Variants in MCF2L observed in about 807,000 individuals in gnomAD.
MCF2L encodes guanine nucleotide exchange factor DBS.
In MCF2L, 97 loss-of-function variants were observed where a neutral mutation model predicts 153.4. The ratio of observed to expected loss-of-function variants is 0.63; its 90% CI spans 0.54 to 0.75. The LOEUF (loss-of-function observed/expected upper bound fraction) is 0.75. Ranked by LOEUF, MCF2L falls within the 30% of genes least tolerant of loss-of-function variation. The probability of loss-of-function intolerance (pLI) is 0.00; values close to 1 mark genes in which losing one functional copy is unlikely to be tolerated. For missense variants in MCF2L, 1,347 were observed against 1,495.2 expected, an observed-to-expected ratio of 0.90 and a Z score of 1.64; for synonymous variants, 659 against 632.2, an observed-to-expected ratio of 1.04 and a Z score of -0.64.
intron 1 of MCF2L, among the ~76,000 whole-genome samples, chr13:112,984,941 A>C (rs1450938009): frequency 6.6e-6 from 1 of 152,094 alleles, no homozygotes; most frequent in Non-Finnish European, 1.5e-5. Context: ...ACTGGCAAGC[A>C]GTCACCCCCG....
In MCF2L at chr13:113,078,402, G is replaced by C. The variant is rs1320436525; in HGVS notation, c.1700G>C (p.Gly567Ala). 1.2e-6 allele frequency: 2 copies of C among 1,612,934 alleles called. No homozygotes were observed. The highest frequency in any genetic ancestry group is 1.7e-6 in the Non-Finnish European group (2 of 1,179,906). The stretch of plus-strand genomic sequence containing the variant: ...TCTGAGAACTCCAGCTCCGAGGGCG[G>C]TGCGCTCCGGAGAGGGCCCTACCGG... ...RGSENSSSEG[G>A]ALRRGPYRRA... is the part of the protein sequence containing the mutation. Residue 567 changes from glycine to alanine, a missense_variant, in exon 14 of 30, where the codon GGT (glycine) becomes GCT (alanine). By Grantham distance (60) the Gly-to-Ala change is moderately conservative. This residue lies in a region of MCF2L where 820 missense variants were observed against 921.2 expected (regional missense o/e 0.89). Transcript: ENST00000535094.
In MCF2L at chr13:113,078,737, C is replaced by T. The variant is rs889943343; in HGVS notation, c.1806C>T (p.Arg602=). ...GEEEESLAIL[R]RHVMSELLDT... Reference sequence around the variant, plus strand: ...AGGAGGAAAGCCTGGCCATCCTGCGCAGGTGGGTGCGCTGCCCTTCTGTCC... The same window carrying T: ...AGGAGGAAAGCCTGGCCATCCTGCGTAGGTGGGTGCGCTGCCCTTCTGTCC... The change falls in exon 15 of 30, where the codon CGC becomes CGT. Residue 602 remains arginine (R), a splice_region_variant and synonymous_variant. Coordinates refer to ENST00000535094, the MANE Select transcript of MCF2L (RefSeq NM_001112732.3). 1 of 1,597,876 alleles carries T rather than the reference C, an allele frequency of 6.3e-7. No individual in the cohort carries two copies. The highest frequency in any genetic ancestry group is 8.5e-7 in the Non-Finnish European group (1 of 1,176,460).
At chr13:113,000,528 T>G (rs2083320410) in intron 1 of MCF2L, among the ~76,000 whole-genome samples, 1 of 152,152 alleles carries the variant, frequency 6.6e-6, no homozygotes, top group Non-Finnish European at 1.5e-5. Flanking sequence ...CAGACTTAGC[T>G]TTGGTGCTTG....
intron 2 of MCF2L, among the ~76,000 whole-genome samples, chr13:112,923,576 T>C (rs1452597814): frequency 6.6e-6 from 1 of 152,200 alleles, no homozygotes; most frequent in African/African-American, 2.4e-5. Flanking sequence ...TGTTTACTTC[T>C]TAACAAATAT....
intron 3 of MCF2L, chr13:113,040,915 T>C (rs1888227): frequency 0.12 from 17,865 of 152,140 alleles, 1,404 homozygotes; most frequent in African/African-American, 0.22. Flanking sequence ...GAGCCCTGAG[T>C]GGTTTGGGTC....
At position 113,045,111 on chromosome 13, in the gene MCF2L, G is replaced by A. The variant is rs559851646; in HGVS notation, c.279-160G>A. 1.8e-5 allele frequency: 16 copies of A among 903,792 alleles called. No homozygotes were observed. In the East Asian group the frequency reaches 3.9e-4, roughly 22 times the overall value. 56.0% of individuals were successfully genotyped at this position (903,792 alleles called of 1,614,324 possible). A position where few individuals can be genotyped will look rare whatever the true frequency, so the allele number is the denominator to read the frequency against. ...GCAGGTTCTGGGACTGCGGGGATGG[G>A]GCTGCCGGGGCCCCCGTGTGCCATG... On this transcript the variant is annotated intron_variant, in intron 3 of 29. Coordinates refer to ENST00000535094, the MANE Select transcript of MCF2L (RefSeq NM_001112732.3). This position sits in a 1 kb window ranked among gnomAD's most constrained non-coding sequence, Gnocchi z 4.2.
intron 1 of MCF2L, among the ~76,000 whole-genome samples, chr13:112,979,972 C>T (rs768967271): frequency 2.0e-5 from 3 of 152,228 alleles, no homozygotes; most frequent in Non-Finnish European, 4.4e-5. Flanking sequence ...ATCTCTGGGT[C>T]GGCCCTGTCC....
intron 2 of MCF2L, among the ~76,000 whole-genome samples, chr13:112,910,920 G>A (rs1174860001): frequency 6.7e-6 from 1 of 148,156 alleles, no homozygotes; most frequent in African/African-American, 2.5e-5. Flanking sequence ...TCTGCTGGAG[G>A]CACCTTGGAG....
intron 2 of MCF2L, among the ~76,000 whole-genome samples, chr13:112,945,247 A>G (rs2140686001): frequency 6.6e-6 from 1 of 152,256 alleles, no homozygotes; most frequent in East Asian, 1.9e-4. Flanking sequence ...ACTTCTCAAG[A>G]CCTAAAACTG....
chr13:113,004,413 C>G (rs1281655333), intron 1 of MCF2L, among the ~76,000 whole-genome samples: 2 of 152,258 alleles, frequency 1.3e-5, no homozygotes, highest in Non-Finnish European at 2.9e-5. Flanking sequence ...GCAGCCGTCA[C>G]TCCATGTCTG....
chr13:112,894,407 G>C (rs2081045199), exon 1 of MCF2L: 1 of 151,314 alleles, frequency 6.6e-6, no homozygotes, highest in African/African-American at 2.4e-5. Context: ...CGGCGGACGC[G>C]GGAGGGCAGC....
At position 113,028,309 on chromosome 13, in the gene MCF2L, G is replaced by C. The variant is rs1016631260; in HGVS notation, c.278+3551G>C. ...CAGCACTCAAAGGCCACCCATCAAG[G>C]CCATAAGAGTGTGGTAGGCGGCACG... On this transcript the variant is annotated intron_variant, in intron 3 of 29. Coordinates refer to ENST00000535094, the MANE Select transcript of MCF2L (RefSeq NM_001112732.3). This position sits in a 1 kb window ranked among gnomAD's most constrained non-coding sequence, Gnocchi z 5.4. Among the ~76,000 whole-genome samples the C allele has an allele frequency of 2.0e-5, 3 of 152,152 alleles. No individual in the cohort carries two copies. Among genetic ancestry groups the C allele is most frequent in the African/African-American group, 7.2e-5 (3 of 41,428 alleles).
chr13:113,060,867 G>A (rs2031278488), intron 5 of MCF2L, among the ~76,000 whole-genome samples, 155 bp downstream of exon 5: 1 of 152,098 alleles, frequency 6.6e-6, no homozygotes, highest in African/African-American at 2.4e-5. Context: ...CCTCCTCAAT[G>A]CTGCCAGAAG....
At chr13:113,002,116 T>G in intron 1 of MCF2L, 28 of 1,032,890 alleles carry the variant, frequency 2.7e-5, no homozygotes, top group East Asian at 3.3e-5. Flanking sequence ...AGCCCGGGGC[T>G]GGGGGATGCC....
At chr13:112,939,822 A>G (rs1036544660) in intron 2 of MCF2L, among the ~76,000 whole-genome samples, 75 of 152,152 alleles carry the variant, frequency 4.9e-4, no homozygotes, top group Non-Finnish European at 1.3e-4. Flanking sequence ...TATGCAAAAA[A>G]TTAGCTGGGC....
Position 113,045,856 on chromosome 13 carries a change from C to A in MCF2L, c.369+495C>A, listed in dbSNP as rs952335690. The A allele has an allele frequency of 2.1e-4, 36 of 169,074 alleles. No homozygotes were observed. The highest frequency in any genetic ancestry group is 3.3e-4 in the Admixed American group (6 of 18,162). 10.5% of individuals were successfully genotyped at this position (169,074 alleles called of 1,614,324 possible). A position where few individuals can be genotyped will look rare whatever the true frequency, so the allele number is the denominator to read the frequency against. ...GGGCTGTGTGCAGAGACGCTCCAGG[C>A]TGGAAGTTGGAAGTGGTACTGCACA... On this transcript the variant is annotated intron_variant, in intron 4 of 29. Transcript: ENST00000535094. The surrounding 1 kb of genome is among the most constrained non-coding windows in gnomAD (Gnocchi z 4.2).
chr13:112,911,311 G>GT (rs2081229357), intron 2 of MCF2L, among the ~76,000 whole-genome samples: 1 of 152,206 alleles, frequency 6.6e-6, no homozygotes, highest in Non-Finnish European at 1.5e-5. Context: ...GCGGAGCCCT[G>GT]TGTCTACACA....
chr13:112,945,196 T>G (rs1433465599), intron 2 of MCF2L, among the ~76,000 whole-genome samples: 1 of 152,200 alleles, frequency 6.6e-6, no homozygotes, highest in Non-Finnish European at 1.5e-5. Context: ...AGGGGAGTTT[T>G]AGGGCAGTGC....
rs2141944910 is a variant in MCF2L at position 113,077,134 on chromosome 13, C to T, written c.1583C>T (p.Ala528Val). 2.5e-6 allele frequency: 4 copies of T among 1,612,500 alleles called. No individual in the cohort carries two copies. The highest frequency in any genetic ancestry group is 1.7e-6 in the Non-Finnish European group (2 of 1,179,732). ...HRRQASLKKL[A>V]ARQTRPVQPV... ...AGGCAGGCCAGCCTGAAGAAGCTGG[C>T]GGCCAGGCAGACGCGGCCCGTGCAG... The change falls in exon 13 of 30, where the codon GCG becomes GTG. Residue 528 changes from alanine (A) to valine (V), a missense_variant. Around this residue, in one of 3 missense-constraint regions of MCF2L, gnomAD observed 820 missense variants for 921.2 expected, o/e 0.89. Coordinates refer to ENST00000535094, the MANE Select transcript of MCF2L (RefSeq NM_001112732.3).
Sources: allele counts gnomAD v4.1 joint callset (sites outside exome capture counted in the v4.1 genomes callset), GRCh38; gene constraint gnomAD v4.1.1; regional missense constraint gnomAD v4.1.1; non-coding constraint Gnocchi (gnomAD v3.1); transcripts MANE v1.5; gene names NCBI Gene and HGNC (gene_info 2026-07-23, HGNC 2026-07-21).